SLC12A1: variants seen among roughly 807,000 people sequenced by gnomAD.
SLC12A1 encodes the protein solute carrier family 12 member 1, also known as Na-K-2Cl cotransporter.
SLC12A1 carries 89 observed loss-of-function variants against 130.4 expected under a neutral mutation model. The ratio of observed to expected loss-of-function variants is 0.68; its 90% CI spans 0.58 to 0.81. The LOEUF is 0.81. SLC12A1 is among the 40% of genes least tolerant of loss of function. The probability of loss-of-function intolerance (pLI) is 0.00; values close to 1 mark genes in which losing one functional copy is unlikely to be tolerated. For synonymous variants in SLC12A1, 499 were observed against 460.0 expected, an observed-to-expected ratio of 1.08 and a Z score of -1.09; for missense variants, 1,310 against 1,336.4, an observed-to-expected ratio of 0.98 and a Z score of 0.31.
chr15:48,230,320 AC>A, intron 6 of SLC12A1, 72 bp from the exon 7 acceptor site: 1 of 845,904 alleles, frequency 1.2e-6, no homozygotes. Flanking sequence ...ATCTCTTTTT[AC>A]TGTTAAATGC....
intron 25 of SLC12A1, among the ~76,000 whole-genome samples, chr15:48,299,863 A>G (rs16960737): frequency 0.27 from 40,791 of 152,064 alleles, 6,295 homozygotes; most frequent in East Asian, 0.41. Context: ...AGAATAATGC[A>G]AAGGGCAGGG....
rs749753790 is a variant in SLC12A1 at position 48,285,148 on chromosome 15, C to T, written c.2528C>T (p.Ala843Val). The change falls in exon 21 of 27, where the codon GCG (alanine) becomes GTG (valine). Residue 843 changes from alanine (A) to valine (V), a missense_variant. Physicochemically the swap from Ala to Val is moderately conservative, Grantham distance 64. Transcript: ENST00000380993. ...RLEQERLALE[A>V]TIKDNECEEE... The stretch of plus-strand genomic sequence containing the variant: ...GAACAGGAGAGACTAGCATTGGAAG[C>T]GACTATCAAAGATAATGAGTGTGAA... 12 of 1,612,612 alleles carry T rather than the reference C, an allele frequency of 7.4e-6. No homozygotes were observed. Among genetic ancestry groups the T allele is most frequent in the South Asian group, 1.1e-5 (1 of 90,896 alleles).
intron 20 of SLC12A1, among the ~76,000 whole-genome samples, chr15:48,278,456 T>C (rs1307071285): frequency 6.6e-6 from 1 of 152,116 alleles, no homozygotes; most frequent in Non-Finnish European, 1.5e-5. Flanking sequence ...AGCCCCTATT[T>C]TATCTTTGAA....
intron 9 of SLC12A1, 45 bp downstream of exon 9, chr15:48,235,049 C>T (rs1207269902): frequency 3.1e-6 from 5 of 1,603,402 alleles, no homozygotes; most frequent in Admixed American, 3.3e-5. Context: ...TGGTGGTACA[C>T]TTGGTGGGTA....
chr15:48,252,111 G>A (rs1416604120), intron 15 of SLC12A1, among the ~76,000 whole-genome samples: 1 of 152,100 alleles, frequency 6.6e-6, no homozygotes, highest in Non-Finnish European at 1.5e-5. Context: ...GCTGAGGCAG[G>A]AGAATCACTT....
chr15:48,267,825 A>G, intron 18 of SLC12A1, 124 bp downstream of exon 18: 1 of 1,021,674 alleles, frequency 9.8e-7, no homozygotes, highest in Admixed American at 2.2e-5. Flanking sequence ...GCAGATGGTT[A>G]AGGGATTATT....
At chr15:48,253,057 G>A (rs1288072061) in intron 15 of SLC12A1, among the ~76,000 whole-genome samples, 2 of 152,230 alleles carry the variant, frequency 1.3e-5, no homozygotes, top group Middle Eastern at 3.4e-3. Context: ...ATTTAAGAGG[G>A]GCTGCAGTCA....
At chr15:48,230,691 T>C (rs1439701521) in intron 7 of SLC12A1, among the ~76,000 whole-genome samples, 188 bp downstream of exon 7, 2 of 152,216 alleles carry the variant, frequency 1.3e-5, no homozygotes, top group Non-Finnish European at 2.9e-5. Context: ...GATTCAGGGC[T>C]CACGAGTCAC....
intron 10 of SLC12A1, among the ~76,000 whole-genome samples, chr15:48,243,941 T>C (rs35892351): frequency 0.037 from 5,671 of 152,280 alleles, 144 homozygotes; most frequent in East Asian, 0.097. Context: ...AAAAATCCTA[T>C]CAAATACATG....
chr15:48,297,224 T>A (rs984233624), intron 24 of SLC12A1, among the ~76,000 whole-genome samples: 3 of 152,176 alleles, frequency 2.0e-5, no homozygotes, highest in Non-Finnish European at 4.4e-5. Context: ...CGCTCATGTA[T>A]GTTCCGTAGG....
intron 7 of SLC12A1, among the ~76,000 whole-genome samples, chr15:48,230,825 C>T (rs577288954): frequency 7.2e-5 from 11 of 152,202 alleles, no homozygotes; most frequent in Non-Finnish European, 1.2e-4. Flanking sequence ...ACCCTGGTTC[C>T]TCTTTCAAGC....
At chr15:48,217,786 C>G (rs2041142786) in intron 2 of SLC12A1, 1 of 152,102 alleles carries the variant, frequency 6.6e-6, no homozygotes, top group Non-Finnish European at 1.5e-5. Flanking sequence ...CTTCTGAATT[C>G]AACATTGTTT....
intron 24 of SLC12A1, 89 bp from the exon 25 acceptor site, chr15:48,299,051 C>G: frequency 8.8e-7 from 1 of 1,141,698 alleles, no homozygotes; most frequent in East Asian, 2.5e-5. Flanking sequence ...TCTGATTCCA[C>G]AGCCAGCAGA....
At chr15:48,273,819 GT>G (rs953299380) in intron 19 of SLC12A1, among the ~76,000 whole-genome samples, 1 of 152,118 alleles carries the variant, frequency 6.6e-6, no homozygotes, top group Non-Finnish European at 1.5e-5. Flanking sequence ...AAGTCATTAA[GT>G]TTTAGATCCA....
intron 21 of SLC12A1, 130 bp downstream of exon 21, chr15:48,285,379 TC>T: frequency 1.3e-6 from 1 of 791,430 alleles, no homozygotes; most frequent in Non-Finnish European, 2.0e-6. Context: ...AAGGTTTCTC[TC>T]CAGAAGGTAG....
At chr15:48,234,708 G>C (rs1248394148) in intron 8 of SLC12A1, among the ~76,000 whole-genome samples, 169 bp from the exon 9 acceptor site, 1 of 151,656 alleles carries the variant, frequency 6.6e-6, no homozygotes, top group Non-Finnish European at 1.5e-5. Context: ...AGCTGAGATC[G>C]TGCCATTGCA....
At chr15:48,294,308 A>T (rs1401987387) in intron 24 of SLC12A1, among the ~76,000 whole-genome samples, 1 of 149,050 alleles carries the variant, frequency 6.7e-6, no homozygotes, top group Non-Finnish European at 1.5e-5. Flanking sequence ...AGATCGCACC[A>T]CTGCACCTCA....
At chr15:48,283,191 T>C (rs2042025350) in intron 20 of SLC12A1, among the ~76,000 whole-genome samples, 1 of 152,246 alleles carries the variant, frequency 6.6e-6, no homozygotes, top group Admixed American at 6.5e-5. Context: ...CTCTGTTTTT[T>C]AAGGACCTCC....
chr15:48,281,703 G>A (rs974144676), intron 20 of SLC12A1, among the ~76,000 whole-genome samples: 5 of 152,178 alleles, frequency 3.3e-5, no homozygotes, highest in Admixed American at 1.3e-4. Context: ...CCCAGTATTC[G>A]TATCAAATGA....
Sources: gnomAD v4.1 joint callset for allele counts (sites outside exome capture counted in the v4.1 genomes callset) on GRCh38, gnomAD v4.1.1 for gene constraint, MANE v1.5 for transcripts, NCBI Gene and HGNC (gene_info 2026-07-23, HGNC 2026-07-21) for gene names.